LTBP2: variants seen among roughly 807,000 people sequenced by gnomAD.
LTBP2 encodes the protein latent-transforming growth factor beta-binding protein 2.
A neutral mutation model predicts 210.6 loss-of-function variants in LTBP2; 103 were observed. The ratio of observed to expected loss-of-function variants is 0.49; its 90% CI spans 0.42 to 0.58. The LOEUF (loss-of-function observed/expected upper bound fraction) is 0.58. Ranked by LOEUF, LTBP2 falls within the 20% of genes least tolerant of loss-of-function variation. The pLI is 0.00. For synonymous variants in LTBP2, 1,007 were observed against 1,015.0 expected (o/e 0.99, Z 0.15); for missense variants, 2,313 against 2,494.5 (o/e 0.93, Z 1.55).
At chr14:74,551,520 T>C (rs1223981272) in intron 6 of LTBP2, among the ~76,000 whole-genome samples, 170 bp from the exon 7 acceptor site, 2 of 152,216 alleles carry the variant, frequency 1.3e-5, no homozygotes, top group Non-Finnish European at 2.9e-5. Flanking sequence ...AATGATCCCT[T>C]GTGGGGACGG....
At chr14:74,527,291 C>T (rs2139716894) in intron 13 of LTBP2, 56 bp downstream of exon 13, 1 of 1,597,122 alleles carries the variant, frequency 6.3e-7, no homozygotes. Context: ...TGAGCTGCTA[C>T]CAGGTCCTGC....
rs764120281 is a variant in LTBP2 at position 74,551,094 on chromosome 14, G to A, written c.1656C>T (p.Gly552=). The A allele has an allele frequency of 6.2e-7, 1 of 1,613,746 alleles. No individual in the cohort carries two copies. The highest frequency in any genetic ancestry group is 1.7e-5 in the Admixed American group (1 of 60,026). ...CGTTCACAGTGTTCAGGTAACACCG[G>A]CCCAGCAGTCCTCGAGGCCTGGGTG... ...PAAPRPRGLL[G]RCYLNTVNGQ... is the part of the protein sequence containing the mutation. Residue 552 remains glycine (G), a synonymous_variant, in exon 7 of 36, where the codon GGC becomes GGT. Transcript: ENST00000261978.
chr14:74,591,340 T>C (rs980115884), intron 2 of LTBP2, among the ~76,000 whole-genome samples: 2 of 151,984 alleles, frequency 1.3e-5, no homozygotes, highest in Non-Finnish European at 2.9e-5. Flanking sequence ...GGGAAATGAG[T>C]GGTTAGGGGG....
intron 8 of LTBP2, among the ~76,000 whole-genome samples, chr14:74,548,309 T>C (rs1337208439): frequency 6.6e-6 from 1 of 151,810 alleles, no homozygotes; most frequent in Non-Finnish European, 1.5e-5. Flanking sequence ...ACTGCCTGTG[T>C]TTGCACAGCA....
intron 3 of LTBP2, among the ~76,000 whole-genome samples, chr14:74,584,918 G>A (rs1046527411): frequency 1.5e-4 from 23 of 152,146 alleles, no homozygotes; most frequent in African/African-American, 5.1e-4. Context: ...CTCAAGGTCG[G>A]CCTCCTCTCC....
At chr14:74,570,860 G>C (rs2087965844) in intron 3 of LTBP2, among the ~76,000 whole-genome samples, 1 of 152,078 alleles carries the variant, frequency 6.6e-6, no homozygotes, top group African/African-American at 2.4e-5. Context: ...AAACCTCCCA[G>C]GTCTGGAAAC....
intron 8 of LTBP2, among the ~76,000 whole-genome samples, chr14:74,540,468 G>C (rs2087478226): frequency 6.6e-6 from 1 of 150,574 alleles, no homozygotes; most frequent in Admixed American, 6.6e-5. Context: ...GTGAGACCAT[G>C]TCTTAAAAAT....
chr14:74,530,126 C>G (rs2087330810), intron 10 of LTBP2, among the ~76,000 whole-genome samples: 1 of 152,212 alleles, frequency 6.6e-6, no homozygotes, highest in South Asian at 2.1e-4. Flanking sequence ...ACCATATTCT[C>G]GTATCATCAC....
At position 74,505,012 on chromosome 14, in the gene LTBP2, G is replaced by T. The variant is rs2139689856; in HGVS notation, c.4340C>A (p.Ala1447Asp). Residue 1447 changes from alanine to aspartate, a missense_variant, in exon 29 of 36, where the codon GCC becomes GAC. Transcript: ENST00000261978. Reference sequence around the variant, plus strand: ...GTCCTCAGACGGGCAGAGGTCACAGGCATCTCCCCAGCTAGCGCCCTGGGT... The same window carrying T: ...GTCCTCAGACGGGCAGAGGTCACAGTCATCTCCCCAGCTAGCGCCCTGGGT... ...CCTQGASWGD[A>D]CDLCPSEDSA... 2 of 1,614,210 alleles carry T rather than the reference G, an allele frequency of 1.2e-6. No individual in the cohort carries two copies. Among genetic ancestry groups the T allele is most frequent in the Non-Finnish European group, 1.7e-6 (2 of 1,180,044 alleles).
At chr14:74,503,188 C>A (rs1307505726) in intron 33 of LTBP2, 31 bp downstream of exon 33, 1 of 1,612,274 alleles carries the variant, frequency 6.2e-7, no homozygotes, top group East Asian at 2.2e-5. Context: ...CTGGCCCAGC[C>A]CTGCAGGGTA....
Position 74,535,959 on chromosome 14 carries a change from C to T in LTBP2, c.1831G>A (p.Gly611Arg), listed in dbSNP as rs762919974. The T allele has an allele frequency of 1.2e-6, 2 of 1,614,156 alleles. No individual in the cohort carries two copies. Among genetic ancestry groups the T allele is most frequent in the East Asian group, 2.2e-5 (1 of 44,872 alleles). The stretch of plus-strand genomic sequence containing the variant: ...TGAGTGAGGTTCAGTCTCTTGTACC[C>T]CTGAGGACACTCCAGCTGGCCATTC... ...IENGQLECPQ[G>R]YKRLNLTHCQ... Residue 611 changes from glycine (G) to arginine (R), a missense_variant, in exon 9 of 36, where the codon GGG becomes AGG. Gly to Arg is a moderately radical substitution (Grantham distance 125). Coordinates refer to ENST00000261978, the MANE Select transcript of LTBP2 (RefSeq NM_000428.3).
chr14:74,564,147 A>T (rs1256572619), intron 3 of LTBP2, among the ~76,000 whole-genome samples: 1 of 34,692 alleles, frequency 2.9e-5, no homozygotes, highest in African/African-American at 1.1e-4. Context: ...TTATATATAT[A>T]TATTTATATA....
intron 3 of LTBP2, among the ~76,000 whole-genome samples, chr14:74,564,319 TTATATATATATTTA>T (rs2087866652): frequency 4.8e-5 from 1 of 20,728 alleles, no homozygotes; most frequent in African/African-American, 2.7e-4. Flanking sequence ...ATATATATAT[TTATATATATATTTA>T]TATATATATA....
At chr14:74,579,495 G>A (rs1313429815) in intron 3 of LTBP2, among the ~76,000 whole-genome samples, 3 of 152,194 alleles carry the variant, frequency 2.0e-5, no homozygotes, top group Non-Finnish European at 2.9e-5. Context: ...TAGGTTAAAG[G>A]TCATGCCAAA....
intron 33 of LTBP2, 118 bp from the exon 34 acceptor site, chr14:74,503,052 T>G: frequency 5.4e-6 from 8 of 1,492,296 alleles, no homozygotes; most frequent in Non-Finnish European, 6.4e-6. Context: ...CTGGCAACAT[T>G]CCTCTCCCCA....
chr14:74,502,848 G>A lies in LTBP2; in HGVS notation c.4975C>T (p.Pro1659Ser). 6.2e-7 allele frequency: 1 copy of A among 1,614,082 alleles called. No individual in the cohort carries two copies. Among genetic ancestry groups the A allele is most frequent in the Non-Finnish European group, 8.5e-7 (1 of 1,180,020 alleles). ...CTGTAGTGCAGGTCATCGGGCCCGG[G>A]GCCATACTCATAGCCTGGCCGGAAG... ...VHFRPGYEYG[P>S]GPDDLHYSIY... Residue 1659 changes from proline to serine, a missense_variant, in exon 34 of 36, where the codon CCC becomes TCC. Pro to Ser is a moderately conservative substitution (Grantham distance 74, BLOSUM62 -1). Around this residue, in one of 3 missense-constraint regions of LTBP2, gnomAD observed 443 missense variants for 501.4 expected, o/e 0.88. Transcript: ENST00000261978.
chr14:74,500,706 G>A lies in LTBP2; in HGVS notation c.*178C>T. 1 of 779,928 alleles carries A rather than the reference G, an allele frequency of 1.3e-6. No homozygotes were observed. Among genetic ancestry groups the A allele is most frequent in the Non-Finnish European group, 2.1e-6 (1 of 465,656 alleles). The allele number at this position is 779,928 out of a possible 1,614,324, so 48.3% of individuals were successfully genotyped here. A position where few individuals can be genotyped will look rare whatever the true frequency, so the allele number is the denominator to read the frequency against. ...GGTGCTTGAGCCAAGCAAGGGCATG[G>A]AGGCAATGACCGAAGCTTACAGCCA... On this transcript the variant is annotated 3_prime_UTR_variant, in exon 36 of 36. Transcript: ENST00000261978.
chr14:74,592,766 A>C (rs1458691648), intron 2 of LTBP2, among the ~76,000 whole-genome samples: 3 of 152,188 alleles, frequency 2.0e-5, no homozygotes, highest in Non-Finnish European at 2.9e-5. Flanking sequence ...TCCGTTTATC[A>C]AGCATGATAC....
chr14:74,505,289 TTC>T (rs1444029595), intron 28 of LTBP2, 115 bp from the exon 29 acceptor site: 2 of 1,172,488 alleles, frequency 1.7e-6, no homozygotes, highest in East Asian at 2.6e-5. Context: ...GTGGAAAAAA[TTC>T]TGTTACCTGT....
Sources: allele counts gnomAD v4.1 joint callset (sites outside exome capture counted in the v4.1 genomes callset), GRCh38; gene constraint gnomAD v4.1.1; regional missense constraint gnomAD v4.1.1; transcripts MANE v1.5; gene names NCBI Gene and HGNC (gene_info 2026-07-23, HGNC 2026-07-21).